Variants in SCFD2 observed in about 807,000 individuals in gnomAD.
SCFD2 encodes the protein sec1 family domain-containing protein 2.
In SCFD2, 54 loss-of-function variants were observed where a neutral mutation model predicts 58.9. The ratio of observed to expected loss-of-function variants is 0.92; its 90% CI spans 0.74 to 1.15. SCFD2 has a LOEUF of 1.15. SCFD2 is among the 50% of genes most tolerant of loss of function. The pLI is 0.00. For missense variants in SCFD2, 805 were observed against 836.6 expected (o/e 0.96, Z 0.47); for synonymous variants, 321 against 335.9 (o/e 0.96, Z 0.49).
intron 4 of SCFD2, among the ~76,000 whole-genome samples, chr4:53,222,748 T>C (rs920125372): frequency 6.6e-6 from 1 of 152,178 alleles, no homozygotes; most frequent in Non-Finnish European, 1.5e-5. Flanking sequence ...GGGATATCAC[T>C]GCAAATAATA....
At chr4:53,178,279 C>T (rs187427016) in intron 4 of SCFD2, among the ~76,000 whole-genome samples, 3 of 152,246 alleles carry the variant, frequency 2.0e-5, no homozygotes, top group African/African-American at 4.8e-5. Context: ...CTCACACAGC[C>T]GGGTACTCCT....
Position 53,255,814 on chromosome 4 carries a change from C to T in SCFD2, c.1311+18012G>A, listed in dbSNP as rs562777922. 1.9e-4 allele frequency among the ~76,000 whole-genome samples: 29 copies of T among 150,406 alleles called. No homozygotes were observed. In the South Asian group the frequency reaches 4.2e-3, roughly 22 times the overall value. On this transcript the variant is annotated intron_variant, in intron 4 of 8. Coordinates refer to ENST00000401642, the MANE Select transcript of SCFD2 (RefSeq NM_152540.4). Reference sequence around the variant, plus strand: ...CCGGGCAGAGGCGCCCCTCACCTCCCGGACCGGGCAGCTGGCCGGGCGGGG... The same window carrying T: ...CCGGGCAGAGGCGCCCCTCACCTCCTGGACCGGGCAGCTGGCCGGGCGGGG...
intron 5 of SCFD2, among the ~76,000 whole-genome samples, chr4:52,977,993 G>A (rs910253850): frequency 6.6e-6 from 1 of 152,172 alleles, no homozygotes; most frequent in Non-Finnish European, 1.5e-5. Context: ...TTTATTTTCT[G>A]TCTGTGCCCA....
chr4:53,231,187 C>G (rs1293846407), intron 4 of SCFD2, among the ~76,000 whole-genome samples: 2 of 151,870 alleles, frequency 1.3e-5, no homozygotes, highest in South Asian at 4.1e-4. Context: ...TAAAAAAAAA[C>G]CCTTCTTAAT....
intron 5 of SCFD2, among the ~76,000 whole-genome samples, chr4:52,944,572 T>C (rs1720376180): frequency 6.6e-6 from 1 of 152,208 alleles, no homozygotes; most frequent in Non-Finnish European, 1.5e-5. Flanking sequence ...ATTTAAAAGA[T>C]TGAATTACCT....
chr4:53,070,691 G>C (rs1723789868), intron 5 of SCFD2, among the ~76,000 whole-genome samples: 1 of 152,008 alleles, frequency 6.6e-6, no homozygotes, highest in South Asian at 2.1e-4. Flanking sequence ...CTACTTTTCT[G>C]TTCACAGCAC....
rs10524620 is a variant in SCFD2 at position 53,271,435 on chromosome 4, CTTTA to C, written c.1311+2387_1311+2390del. 2.4e-3 allele frequency among the ~76,000 whole-genome samples: 335 copies of C among 139,502 alleles called. 2 individuals carry two copies. The highest frequency in any genetic ancestry group is 6.5e-3 in the African/African-American group (245 of 37,600). The allele number at this position is 139,502 out of a possible 152,430, so 91.5% of individuals were successfully genotyped here. A position where few individuals can be genotyped will look rare whatever the true frequency, so the allele number is the denominator to read the frequency against. ...GAATGAGCTAGATCTACATACATCA[CTTTA>C]TTTATTTATTTATTTATTTATTTAT... is the stretch of plus-strand genomic sequence containing the variant. On this transcript the variant is annotated intron_variant, in intron 4 of 8. Coordinates refer to ENST00000401642, the MANE Select transcript of SCFD2 (RefSeq NM_152540.4).
intron 5 of SCFD2, among the ~76,000 whole-genome samples, chr4:53,105,450 C>G (rs1724965033): frequency 6.6e-6 from 1 of 152,170 alleles, no homozygotes; most frequent in Non-Finnish European, 1.5e-5. Context: ...GAAATTCTCA[C>G]TGACAGCACA....
At chr4:52,994,836 T>C (rs1721705966) in intron 5 of SCFD2, among the ~76,000 whole-genome samples, 1 of 152,150 alleles carries the variant, frequency 6.6e-6, no homozygotes, top group Admixed American at 6.5e-5. Context: ...ACTATATTTA[T>C]CATCATTACC....
chr4:53,023,117 T>C (rs1257662763), intron 5 of SCFD2, among the ~76,000 whole-genome samples: 1 of 152,170 alleles, frequency 6.6e-6, no homozygotes, highest in Non-Finnish European at 1.5e-5. Flanking sequence ...AGGAAATACT[T>C]AGACTCATGG....
At chr4:53,137,618 T>C (rs1483566155) in intron 5 of SCFD2, among the ~76,000 whole-genome samples, 1 of 152,248 alleles carries the variant, frequency 6.6e-6, no homozygotes, top group Non-Finnish European at 1.5e-5. Context: ...AACCACTGCA[T>C]AGATACTTTG....
chr4:53,219,658 G>A (rs565881541), intron 4 of SCFD2, among the ~76,000 whole-genome samples: 11 of 152,146 alleles, frequency 7.2e-5, no homozygotes, highest in South Asian at 4.2e-4. Context: ...CCCACTGTCG[G>A]ACAAGCCCCA....
At chr4:52,893,476 T>C (rs773792000) in intron 7 of SCFD2, among the ~76,000 whole-genome samples, 1 of 152,228 alleles carries the variant, frequency 6.6e-6, no homozygotes, top group African/African-American at 2.4e-5. Context: ...CAGCCCATCA[T>C]TTTTGCTCTG....
intron 3 of SCFD2, among the ~76,000 whole-genome samples, chr4:53,312,201 T>C (rs1289456816): frequency 6.6e-6 from 1 of 152,148 alleles, no homozygotes; most frequent in African/African-American, 2.4e-5. Flanking sequence ...TGCTAAATTG[T>C]TTTTAGTATG....
chr4:53,245,695 C>G (rs1261515407), intron 4 of SCFD2, among the ~76,000 whole-genome samples: 1 of 152,072 alleles, frequency 6.6e-6, no homozygotes, highest in African/African-American at 2.4e-5. Context: ...ATTGAAGGAA[C>G]ATACATCAAA....
At chr4:53,166,452 A>G (rs1263070381) in intron 4 of SCFD2, among the ~76,000 whole-genome samples, 4 of 152,212 alleles carry the variant, frequency 2.6e-5, no homozygotes, top group Non-Finnish European at 5.9e-5. Flanking sequence ...AATGGCTGGT[A>G]TACCTTCACT....
intron 5 of SCFD2, among the ~76,000 whole-genome samples, chr4:53,005,212 C>G (rs527627603): frequency 2.6e-5 from 4 of 152,106 alleles, no homozygotes; most frequent in African/African-American, 9.7e-5. Flanking sequence ...GATTTCTACT[C>G]TTAACTTTGG....
chr4:53,287,356 C>A (rs1452262018), intron 3 of SCFD2, among the ~76,000 whole-genome samples: 3 of 152,172 alleles, frequency 2.0e-5, no homozygotes, highest in African/African-American at 7.2e-5. Context: ...CTAAGTCTCC[C>A]AACTGTGGGG....
intron 6 of SCFD2, among the ~76,000 whole-genome samples, chr4:52,920,251 GTGGAGGAATTT>G: frequency 6.6e-6 from 1 of 152,324 alleles, no homozygotes; most frequent in African/African-American, 2.4e-5. Flanking sequence ...TTTGAAAGCA[GTGGAGGAATTT>G]TAAATAACAC....
Sources: allele counts gnomAD v4.1 joint callset (sites outside exome capture counted in the v4.1 genomes callset), GRCh38; gene constraint gnomAD v4.1.1; transcripts MANE v1.5; gene names NCBI Gene and HGNC (gene_info 2026-07-23, HGNC 2026-07-21).